INTS7: variants seen among roughly 807,000 people sequenced by gnomAD.
INTS7 encodes the protein integrator complex subunit 7.
A neutral mutation model predicts 109.2 loss-of-function variants in INTS7; 46 were observed. The observed-to-expected ratio is 0.42, with a 90% CI of 0.33 to 0.54. The LOEUF is 0.54. Ranked by LOEUF, INTS7 falls within the 20% of genes least tolerant of loss-of-function variation. The pLI is 0.07. For synonymous variants in INTS7, 412 were observed against 402.9 expected (o/e 1.02, Z -0.27); for missense variants, 929 against 1,132.4 (o/e 0.82, Z 2.58).
intron 1 of INTS7, among the ~76,000 whole-genome samples, chr1:212,033,547 GT>G (rs1004220536): frequency 2.0e-5 from 3 of 152,032 alleles, no homozygotes; most frequent in Non-Finnish European, 2.9e-5. Flanking sequence ...AAAAATTGTG[GT>G]TTTTTTCTTA....
At position 211,976,476 on chromosome 1, in the gene INTS7, C is replaced by T; in HGVS notation, c.1608+106G>A. 2.9e-6 allele frequency: 3 copies of T among 1,028,510 alleles called. No homozygotes were observed. The Admixed American group carries it at 6.9e-5, about 24-fold the overall frequency. 63.7% of individuals were successfully genotyped at this position (1,028,510 alleles called of 1,614,324 possible). On this transcript the variant is annotated intron_variant, in intron 12 of 19. Coordinates refer to ENST00000366994, the MANE Select transcript of INTS7 (RefSeq NM_015434.4). ...CTTCAGAACCCATGACTAAAAGGTACTTCCATCTTTATTTTTAGTTTTGAC... is the reference window on the plus strand; with the variant it reads ...CTTCAGAACCCATGACTAAAAGGTATTTCCATCTTTATTTTTAGTTTTGAC...
intron 7 of INTS7, among the ~76,000 whole-genome samples, chr1:212,003,748 C>T (rs745675622): frequency 6.6e-6 from 1 of 152,102 alleles, no homozygotes; most frequent in Non-Finnish European, 1.5e-5. Flanking sequence ...GCAGAATTAA[C>T]TTTAGACTGA....
Position 212,011,411 on chromosome 1 carries a change from C to T in INTS7, c.520G>A (p.Val174Ile). The change falls in exon 5 of 20, where the codon GTA becomes ATA. Residue 174 changes from valine to isoleucine, a missense_variant. Physicochemically the swap from Val to Ile is conservative, Grantham distance 29. This residue lies in a region of INTS7 where 142 missense variants were observed against 231.4 expected (regional missense o/e 0.61). Transcript: ENST00000366994. Reference protein sequence around the residue: ...NFSAQSKDFAVGICNKISEMI... With the variant: ...NFSAQSKDFAIGICNKISEMI... ...TCACTGATTTTGTTACAGATTCCTACAGCAAAATCCCTTTGGAAAAAGAGA... is the reference window on the plus strand; with the variant it reads ...TCACTGATTTTGTTACAGATTCCTATAGCAAAATCCCTTTGGAAAAAGAGA... 1 of 1,580,078 alleles carries T rather than the reference C, an allele frequency of 6.3e-7. No individual in the cohort carries two copies. Among genetic ancestry groups the T allele is most frequent in the Non-Finnish European group, 8.7e-7 (1 of 1,154,156 alleles).
intron 3 of INTS7, among the ~76,000 whole-genome samples, chr1:212,019,442 G>A (rs1666595496): frequency 6.6e-6 from 1 of 152,048 alleles, no homozygotes; most frequent in African/African-American, 2.4e-5. Context: ...GACACTCAGG[G>A]AAGATGTGAC....
intron 7 of INTS7, among the ~76,000 whole-genome samples, 156 bp downstream of exon 7, chr1:212,006,483 A>AT (rs1212659613): frequency 2.0e-5 from 3 of 152,230 alleles, no homozygotes; most frequent in Admixed American, 6.5e-5. Flanking sequence ...TGTGCCACTT[A>AT]TAAAATAACT....
intron 7 of INTS7, among the ~76,000 whole-genome samples, chr1:212,002,451 C>T (rs116217832): frequency 0.011 from 1,685 of 152,282 alleles, 30 homozygotes; most frequent in African/African-American, 0.038. Context: ...AAGCTAAAGT[C>T]CTTAAGAAGG....
chr1:211,995,857 G>A (rs1365652074), intron 7 of INTS7, among the ~76,000 whole-genome samples: 1 of 152,128 alleles, frequency 6.6e-6, no homozygotes, highest in Non-Finnish European at 1.5e-5. Flanking sequence ...AAGACAGAAA[G>A]TGGGCCCTCA....
intron 16 of INTS7, among the ~76,000 whole-genome samples, chr1:211,965,900 T>C (rs1261045494): frequency 3.3e-5 from 5 of 151,976 alleles, no homozygotes; most frequent in Non-Finnish European, 1.5e-5. Flanking sequence ...TGACACGAGT[T>C]TACCTATATA....
intron 4 of INTS7, among the ~76,000 whole-genome samples, chr1:212,016,232 G>A (rs1407299314): frequency 2.0e-5 from 3 of 152,162 alleles, no homozygotes; most frequent in African/African-American, 4.8e-5. Context: ...TGAATTTCCT[G>A]GGTCAAAGGG....
chr1:211,953,435 A>G (rs1052435804), intron 16 of INTS7, among the ~76,000 whole-genome samples: 1 of 151,810 alleles, frequency 6.6e-6, no homozygotes, highest in Non-Finnish European at 1.5e-5. Flanking sequence ...GTTTTAGGGT[A>G]CATGTGCACA....
Position 211,978,328 on chromosome 1 carries a change from T to C in INTS7, c.1414A>G (p.Met472Val). 21 of 1,614,186 alleles carry C rather than the reference T, an allele frequency of 1.3e-5. No homozygotes were observed. Among genetic ancestry groups the C allele is most frequent in the Non-Finnish European group, 1.8e-5 (21 of 1,180,014 alleles). The part of the protein sequence containing the change: ...VLGDGMLGDL[M>V]ELYKVIGRSA... ...CGTCCAATCACCTTGTACAGCTCCATGAGGTCACCAAGCATCCCATCACCC... is the reference window on the plus strand; with the variant it reads ...CGTCCAATCACCTTGTACAGCTCCACGAGGTCACCAAGCATCCCATCACCC... Residue 472 changes from methionine to valine, a missense_variant, in exon 11 of 20, where the codon ATG becomes GTG. By Grantham distance (21) the Met-to-Val change is conservative. Coordinates refer to ENST00000366994, the MANE Select transcript of INTS7 (RefSeq NM_015434.4).
At chr1:211,992,020 T>C (rs979214270) in intron 7 of INTS7, among the ~76,000 whole-genome samples, 1 of 152,224 alleles carries the variant, frequency 6.6e-6, no homozygotes, top group Non-Finnish European at 1.5e-5. Context: ...CAGATATAGA[T>C]GCTGTTTTTG....
intron 5 of INTS7, among the ~76,000 whole-genome samples, chr1:212,010,294 G>A (rs1666111854): frequency 6.6e-6 from 1 of 152,160 alleles, no homozygotes; most frequent in Non-Finnish European, 1.5e-5. Context: ...GATAAATAGG[G>A]GTATGACACG....
intron 8 of INTS7, among the ~76,000 whole-genome samples, chr1:211,987,067 T>C (rs1014882335): frequency 1.3e-5 from 2 of 151,822 alleles, no homozygotes; most frequent in Non-Finnish European, 2.9e-5. Flanking sequence ...AAGGGCAAGG[T>C]GGGTGGATCA....
intron 16 of INTS7, among the ~76,000 whole-genome samples, chr1:211,962,004 T>G (rs576357524): frequency 6.6e-6 from 1 of 152,116 alleles, no homozygotes; most frequent in Admixed American, 6.5e-5. Context: ...GCTATCATGA[T>G]GACAGGATCA....
chr1:212,008,457 G>T (rs192419917), intron 5 of INTS7, among the ~76,000 whole-genome samples: 1 of 151,892 alleles, frequency 6.6e-6, no homozygotes, highest in Admixed American at 6.6e-5. Context: ...GTCTGTCTAC[G>T]CTTTAATTTC....
chr1:211,945,497 AAC>A (rs1384154554), intron 18 of INTS7, among the ~76,000 whole-genome samples: 24 of 152,354 alleles, frequency 1.6e-4, no homozygotes, highest in Middle Eastern at 3.4e-3. Flanking sequence ...AAAAATCCCA[AAC>A]ACATCAATTA....
At chr1:211,966,519 C>T in intron 15 of INTS7, 21 bp from the exon 16 acceptor site, 2 of 1,541,080 alleles carry the variant, frequency 1.3e-6, no homozygotes, top group Non-Finnish European at 1.8e-6. Flanking sequence ...GTTAAGGTTA[C>T]ATACGAAAAT....
chr1:212,016,850 CA>C, intron 4 of INTS7, 35 bp downstream of exon 4: 1 of 1,556,926 alleles, frequency 6.4e-7, no homozygotes, highest in Non-Finnish European at 8.6e-7. Context: ...CTTGGGAAGC[CA>C]AATTACTAAA....
Sources: allele counts gnomAD v4.1 joint callset (sites outside exome capture counted in the v4.1 genomes callset), GRCh38; gene constraint gnomAD v4.1.1; regional missense constraint gnomAD v4.1.1; transcripts MANE v1.5; gene names NCBI Gene and HGNC (gene_info 2026-07-23, HGNC 2026-07-21).